LGSN: variants seen among roughly 807,000 people sequenced by gnomAD.
The protein encoded by LGSN is lengsin.
In LGSN, 21 loss-of-function variants were observed where a neutral mutation model predicts 19.5. The observed-to-expected ratio is 1.07, with a 90% CI of 0.76 to 1.55. The LOEUF (loss-of-function observed/expected upper bound fraction) is 1.55. Ranked by LOEUF, LGSN falls within the 40% of genes most tolerant of loss-of-function variation. The pLI is 0.00. For missense variants in LGSN, 673 were observed against 608.5 expected (o/e 1.11, Z -1.12); for synonymous variants, 257 against 215.6 (o/e 1.19, Z -1.68).
the LGSN span, among the ~76,000 whole-genome samples, chr6:63,325,602 T>C: frequency 2.6e-5 from 4 of 152,240 alleles, no homozygotes; most frequent in Admixed American, 6.5e-5. Context: ...TAATAATGTG[T>C]CCGGAATTGG....
the LGSN span, among the ~76,000 whole-genome samples, chr6:63,540,536 G>A: frequency 2.6e-5 from 4 of 151,782 alleles, no homozygotes; most frequent in African/African-American, 7.3e-5. Context: ...CATGAGAATC[G>A]CTTGAACCCA....
chr6:63,342,831 T>G, the LGSN span, among the ~76,000 whole-genome samples: 1 of 152,252 alleles, frequency 6.6e-6, no homozygotes, highest in African/African-American at 2.4e-5. Flanking sequence ...TATGTCAGCT[T>G]GATTGTGTCA....
chr6:63,527,071 T>G, the LGSN span, among the ~76,000 whole-genome samples: 2 of 152,054 alleles, frequency 1.3e-5, no homozygotes, highest in African/African-American at 4.8e-5. Context: ...CTCAGGCAGT[T>G]TCTTTTATCT....
chr6:63,449,128 G>A, the LGSN span, among the ~76,000 whole-genome samples: 1 of 152,054 alleles, frequency 6.6e-6, no homozygotes, highest in Non-Finnish European at 1.5e-5. Flanking sequence ...ATAGGTCCTG[G>A]AACCAATGCC....
chr6:63,517,548 C>T, the LGSN span, among the ~76,000 whole-genome samples: 5 of 152,054 alleles, frequency 3.3e-5, no homozygotes, highest in South Asian at 6.2e-4. Context: ...AACAATAGCA[C>T]TATGAACAAA....
chr6:63,357,547 C>T, the LGSN span, among the ~76,000 whole-genome samples: 1 of 152,180 alleles, frequency 6.6e-6, no homozygotes, highest in Admixed American at 6.5e-5. Flanking sequence ...GATGGTATCT[C>T]ATTGTGGTTT....
chr6:63,549,567 T>A, the LGSN span: 1 of 493,458 alleles, frequency 2.0e-6, no homozygotes, highest in East Asian at 3.3e-5. Flanking sequence ...AGATTTGAAG[T>A]TTTTTTTTTT....
At chr6:63,463,463 A>G in the LGSN span, among the ~76,000 whole-genome samples, 1 of 152,170 alleles carries the variant, frequency 6.6e-6, no homozygotes, top group Non-Finnish European at 1.5e-5. Flanking sequence ...AAATATTCGT[A>G]TTTGAGAAGC....
At chr6:63,398,856 T>C in the LGSN span, among the ~76,000 whole-genome samples, 13 of 152,142 alleles carry the variant, frequency 8.5e-5, no homozygotes, top group African/African-American at 2.4e-4. Context: ...AGGGTTTTGC[T>C]CCTGTTACCC....
the LGSN span, among the ~76,000 whole-genome samples, chr6:63,385,159 G>A: frequency 2.2e-4 from 33 of 152,282 alleles, no homozygotes; most frequent in African/African-American, 7.7e-4. Context: ...ACATGTAAAT[G>A]AATTTTAAAA....
chr6:63,287,723 A>G (rs1211803829), intron 2 of LGSN, among the ~76,000 whole-genome samples: 1 of 152,048 alleles, frequency 6.6e-6, no homozygotes, highest in Non-Finnish European at 1.5e-5. Context: ...AATAATAATA[A>G]TATGGAAATT....
chr6:63,407,187 G>T, the LGSN span, among the ~76,000 whole-genome samples: 1 of 151,552 alleles, frequency 6.6e-6, no homozygotes, highest in African/African-American at 2.4e-5. Flanking sequence ...TATAAGGCCA[G>T]CATCATCCTG....
the LGSN span, among the ~76,000 whole-genome samples, chr6:63,529,986 T>G: frequency 6.6e-6 from 1 of 152,082 alleles, no homozygotes; most frequent in Admixed American, 6.6e-5. Context: ...TTAGGTACCT[T>G]TATAGAGTTA....
chr6:63,478,989 T>C, the LGSN span, among the ~76,000 whole-genome samples: 4 of 152,202 alleles, frequency 2.6e-5, no homozygotes, highest in African/African-American at 4.8e-5. Context: ...AGAGAGAACA[T>C]GTCTTTCAGT....
chr6:63,547,005 T>A, the LGSN span, among the ~76,000 whole-genome samples: 1 of 152,178 alleles, frequency 6.6e-6, no homozygotes, highest in Admixed American at 6.5e-5. Flanking sequence ...CATTCTTTTT[T>A]AAAAAGTTTT....
At chr6:63,370,031 G>GAGAAGA in the LGSN span, among the ~76,000 whole-genome samples, 9 of 151,886 alleles carry the variant, frequency 5.9e-5, no homozygotes, top group South Asian at 2.1e-4. Flanking sequence ...GAAGGAGAAG[G>GAGAAGA]AGAAGAAGAA....
At chr6:63,442,494 T>C in the LGSN span, among the ~76,000 whole-genome samples, 1 of 152,144 alleles carries the variant, frequency 6.6e-6, no homozygotes, top group East Asian at 1.9e-4. Flanking sequence ...AGACACAGAG[T>C]GCTGATTGGT....
the LGSN span, among the ~76,000 whole-genome samples, chr6:63,510,804 G>T: frequency 6.6e-6 from 1 of 151,432 alleles, no homozygotes; most frequent in East Asian, 1.9e-4. Context: ...CTCCTGAGTA[G>T]CTGGGACAAC....
the LGSN span, among the ~76,000 whole-genome samples, chr6:63,336,557 GTGTGTATA>G: frequency 7.3e-6 from 1 of 136,100 alleles, no homozygotes; most frequent in Non-Finnish European, 1.6e-5. Flanking sequence ...GTGTGTGTGT[GTGTGTATA>G]TATATATATA....
Sources: gnomAD v4.1 joint callset for allele counts (sites outside exome capture counted in the v4.1 genomes callset) on GRCh38, gnomAD v4.1.1 for gene constraint, MANE v1.5 for transcripts, NCBI Gene and HGNC (gene_info 2026-07-23, HGNC 2026-07-21) for gene names.